FBXL7: variants seen among roughly 807,000 people sequenced by gnomAD.
FBXL7 encodes the protein F-box and leucine rich repeat protein 7, also known as F-box/LRR-repeat protein 7.
FBXL7 carries 12 observed loss-of-function variants against 38.3 expected under a neutral mutation model. That is an observed-to-expected ratio of 0.31 (90% CI 0.20 to 0.51). The LOEUF is 0.51. Ranked by LOEUF, FBXL7 falls within the 20% of genes least tolerant of loss-of-function variation. FBXL7 has a pLI of 0.98. For missense variants in FBXL7, 567 were observed against 676.4 expected (o/e 0.84, Z 1.79); for synonymous variants, 297 against 300.9 (o/e 0.99, Z 0.13).
At chr5:15,837,809 C>G (rs943381001) in intron 2 of FBXL7, among the ~76,000 whole-genome samples, 1 of 152,018 alleles carries the variant, frequency 6.6e-6, no homozygotes, top group African/African-American at 2.4e-5. Flanking sequence ...CTGCATCTGA[C>G]AGCTTCAGTT....
At chr5:15,587,327 A>C (rs1034446295) in intron 1 of FBXL7, among the ~76,000 whole-genome samples, 2 of 152,134 alleles carry the variant, frequency 1.3e-5, no homozygotes, top group African/African-American at 4.8e-5. Flanking sequence ...ACTCCTTCTC[A>C]TTCCTTAGGT....
At chr5:15,735,488 T>A (rs1013171282) in intron 2 of FBXL7, among the ~76,000 whole-genome samples, 1 of 152,160 alleles carries the variant, frequency 6.6e-6, no homozygotes, top group Non-Finnish European at 1.5e-5. Flanking sequence ...ACAGGTGCCA[T>A]GATCATGGAG....
At chr5:15,905,362 A>G (rs1375075275) in intron 2 of FBXL7, among the ~76,000 whole-genome samples, 1 of 152,158 alleles carries the variant, frequency 6.6e-6, no homozygotes, top group Non-Finnish European at 1.5e-5. Flanking sequence ...AAAGAGGACT[A>G]ATCTATTGCT....
chr5:15,777,073 A>G (rs940233248), intron 2 of FBXL7, among the ~76,000 whole-genome samples: 7 of 152,132 alleles, frequency 4.6e-5, no homozygotes, highest in African/African-American at 1.4e-4. Flanking sequence ...ATGTTAAAAT[A>G]TATTTCACAT....
intron 2 of FBXL7, among the ~76,000 whole-genome samples, chr5:15,890,069 A>C (rs1740836747): frequency 6.6e-6 from 1 of 152,052 alleles, no homozygotes; most frequent in Non-Finnish European, 1.5e-5. Flanking sequence ...AGAGCAGAAC[A>C]TTAACAGAGC....
chr5:15,743,585 G>A (rs1735944160), intron 2 of FBXL7, among the ~76,000 whole-genome samples: 1 of 152,192 alleles, frequency 6.6e-6, no homozygotes, highest in Admixed American at 6.5e-5. Context: ...AGCTTTTGCA[G>A]GAGCACAGTG....
intron 2 of FBXL7, among the ~76,000 whole-genome samples, chr5:15,770,313 G>T (rs925876651): frequency 7.2e-5 from 11 of 152,156 alleles, no homozygotes; most frequent in Admixed American, 6.5e-4. Context: ...TTGCAGCTGG[G>T]GAGGGCCATG....
At chr5:15,898,682 G>A (rs1376667090) in intron 2 of FBXL7, among the ~76,000 whole-genome samples, 1 of 152,182 alleles carries the variant, frequency 6.6e-6, no homozygotes, top group Non-Finnish European at 1.5e-5. Context: ...ACCTGAAATA[G>A]TTCCCATAGA....
At chr5:15,783,955 A>G (rs1390418101) in intron 2 of FBXL7, among the ~76,000 whole-genome samples, 1 of 152,188 alleles carries the variant, frequency 6.6e-6, no homozygotes, top group Non-Finnish European at 1.5e-5. Flanking sequence ...GTGGGGCATG[A>G]TGAATGACTT....
intron 1 of FBXL7, chr5:15,602,456 T>A (rs1739827360): frequency 6.6e-6 from 1 of 152,146 alleles, no homozygotes; most frequent in Admixed American, 6.5e-5. Context: ...TTACTTCTCT[T>A]ATTTCAACAC....
At chr5:15,743,208 A>AAAGTCC (rs1173819493) in intron 2 of FBXL7, among the ~76,000 whole-genome samples, 1 of 152,164 alleles carries the variant, frequency 6.6e-6, no homozygotes, top group African/African-American at 2.4e-5. Context: ...TATTAACTCA[A>AAAGTCC]AAGTCCAAGT....
At chr5:15,781,761 C>T (rs996359088) in intron 2 of FBXL7, among the ~76,000 whole-genome samples, 1 of 151,936 alleles carries the variant, frequency 6.6e-6, no homozygotes, top group Non-Finnish European at 1.5e-5. Context: ...ATAAGTATTG[C>T]TATAAAGGAG....
At chr5:15,704,607 A>T (rs1039818473) in intron 2 of FBXL7, among the ~76,000 whole-genome samples, 8 of 152,226 alleles carry the variant, frequency 5.3e-5, no homozygotes, top group Non-Finnish European at 7.3e-5. Flanking sequence ...GGCAGGGTCC[A>T]AGTCAGGATA....
chr5:15,619,107 C>T (rs1233319566), intron 2 of FBXL7, among the ~76,000 whole-genome samples: 1 of 152,112 alleles, frequency 6.6e-6, no homozygotes, highest in African/African-American at 2.4e-5. Context: ...CCCTCTTTAC[C>T]CTTAGGAACT....
chr5:15,668,159 C>G (rs1742346467), intron 2 of FBXL7, among the ~76,000 whole-genome samples: 1 of 152,190 alleles, frequency 6.6e-6, no homozygotes, highest in Admixed American at 6.5e-5. Flanking sequence ...CTGATTCTAA[C>G]TCCTTAGTTA....
chr5:15,690,107 A>G (rs1743136294), intron 2 of FBXL7, among the ~76,000 whole-genome samples: 1 of 152,164 alleles, frequency 6.6e-6, no homozygotes, highest in Admixed American at 6.5e-5. Context: ...TGCTATCCTC[A>G]TTATGTAGGA....
At chr5:15,907,732 A>G (rs1472063544) in intron 2 of FBXL7, among the ~76,000 whole-genome samples, 1 of 95,756 alleles carries the variant, frequency 1.0e-5, no homozygotes, top group East Asian at 3.0e-4. Flanking sequence ...AGCTTTCTAC[A>G]TACGGCTAGC....
rs892341925 is a variant in FBXL7 at position 15,620,679 on chromosome 5, G to A, written c.127+4607G>A. Reference sequence around the variant, plus strand: ...GCTGGCCCCAAAACTCTCCTCAGATGCTCCAGCTCTGGGGCGGAACTGGCC... The same window carrying A: ...GCTGGCCCCAAAACTCTCCTCAGATACTCCAGCTCTGGGGCGGAACTGGCC... On this transcript the variant is annotated intron_variant, in intron 2 of 3. Transcript: ENST00000504595. Among the ~76,000 whole-genome samples the A allele has an allele frequency of 2.0e-5, 3 of 152,160 alleles. No individual in the cohort carries two copies. The East Asian group carries it at 5.8e-4, about 29-fold the overall frequency.
chr5:15,625,941 T>C (rs1328912549), intron 2 of FBXL7, among the ~76,000 whole-genome samples: 6 of 152,068 alleles, frequency 3.9e-5, no homozygotes, highest in African/African-American at 7.2e-5. Flanking sequence ...TCTTAAAAAA[T>C]AGTGCTAAAA....
Sources: allele counts gnomAD v4.1 joint callset (sites outside exome capture counted in the v4.1 genomes callset), GRCh38; gene constraint gnomAD v4.1.1; transcripts MANE v1.5; gene names NCBI Gene and HGNC (gene_info 2026-07-23, HGNC 2026-07-21).